ESYT2: variants seen among roughly 807,000 people sequenced by gnomAD.
ESYT2 encodes extended synaptotagmin-2.
In ESYT2, 54 loss-of-function variants were observed where a neutral mutation model predicts 107.2. The ratio of observed to expected loss-of-function variants is 0.50; its 90% CI spans 0.40 to 0.63. The LOEUF is 0.63. Ranked by LOEUF, ESYT2 falls within the 30% of genes least tolerant of loss-of-function variation. The pLI, the probability that ESYT2 is intolerant of heterozygous loss-of-function variation, is 0.00. For synonymous variants in ESYT2, 491 were observed against 434.1 expected, an observed-to-expected ratio of 1.13 and a Z score of -1.63; for missense variants, 1,020 against 1,094.5, an observed-to-expected ratio of 0.93 and a Z score of 0.96.
intron 1 of ESYT2, among the ~76,000 whole-genome samples, chr7:158,814,228 C>T (rs979898566): frequency 2.1e-4 from 31 of 149,258 alleles, no homozygotes; most frequent in Non-Finnish European, 4.4e-5. Flanking sequence ...GAGCCAAGAT[C>T]GCGCCACTGC....
chr7:158,794,784 A>G (rs1429997668), intron 3 of ESYT2, among the ~76,000 whole-genome samples: 2 of 152,138 alleles, frequency 1.3e-5, no homozygotes, highest in Admixed American at 1.3e-4. Context: ...CTCAAAAATG[A>G]AAGAAGCACT....
intron 1 of ESYT2, among the ~76,000 whole-genome samples, chr7:158,804,690 A>T (rs1374648983): frequency 1.3e-5 from 2 of 151,802 alleles, no homozygotes; most frequent in Non-Finnish European, 2.9e-5. Flanking sequence ...ACTGTTGACA[A>T]GGGTGAGGCG....
intron 6 of ESYT2, among the ~76,000 whole-genome samples, chr7:158,785,074 C>G (rs949543858): frequency 2.0e-5 from 3 of 152,188 alleles, no homozygotes; most frequent in Non-Finnish European, 4.4e-5. Context: ...AGGCAAACAC[C>G]AATTGGTTGA....
intron 6 of ESYT2, among the ~76,000 whole-genome samples, chr7:158,778,821 T>C (rs1838662425): frequency 6.6e-6 from 1 of 151,778 alleles, no homozygotes; most frequent in Admixed American, 6.6e-5. Flanking sequence ...AAAAACGACA[T>C]CACACCGTGT....
rs755459446 is a variant in ESYT2, at chr7:158,760,053, A to G, written c.1323+5T>C. ...AGTTTTCAAGAGCACATGCTTCAAC[A>G]GCACCTTGTCGAGGTTTGACGCATT... On this transcript the variant is annotated splice_donor_5th_base_variant and intron_variant, in intron 12 of 22. Coordinates refer to ENST00000275418, the MANE Select transcript of ESYT2 (RefSeq NM_001367773.1). The G allele has an allele frequency of 1.2e-6, 2 of 1,614,120 alleles. No homozygotes were observed. Among genetic ancestry groups the G allele is most frequent in the South Asian group, 1.1e-5 (1 of 91,082 alleles).
intron 13 of ESYT2, 29 bp downstream of exon 13, chr7:158,759,457 C>T: frequency 1.3e-6 from 2 of 1,561,380 alleles, no homozygotes; most frequent in Non-Finnish European, 8.8e-7. Flanking sequence ...GAAATACGCA[C>T]CCACAGGTGT....
chr7:158,814,444 G>A (rs919747782), intron 1 of ESYT2, among the ~76,000 whole-genome samples: 14 of 149,432 alleles, frequency 9.4e-5, no homozygotes, highest in Non-Finnish European at 3.0e-5. Context: ...GATCAAAAAC[G>A]TTTTAAAAAT....
chr7:158,804,701 C>T (rs566374271), intron 1 of ESYT2, among the ~76,000 whole-genome samples: 4 of 148,920 alleles, frequency 2.7e-5, no homozygotes, highest in African/African-American at 9.9e-5. Context: ...GGGTGAGGCG[C>T]GTGACAAACC....
At chr7:158,796,540 A>G (rs1259242977) in intron 3 of ESYT2, among the ~76,000 whole-genome samples, 1 of 152,258 alleles carries the variant, frequency 6.6e-6, no homozygotes, top group Non-Finnish European at 1.5e-5. Flanking sequence ...ACTCGCTCAC[A>G]GGAAAGACTA....
At chr7:158,818,507 T>C (rs1311019366) in intron 1 of ESYT2, among the ~76,000 whole-genome samples, 1 of 152,132 alleles carries the variant, frequency 6.6e-6, no homozygotes, top group Non-Finnish European at 1.5e-5. Flanking sequence ...CCAGGGCTCA[T>C]CTGTTCCATT....
chr7:158,813,574 C>T (rs956249492), intron 1 of ESYT2, among the ~76,000 whole-genome samples: 1 of 152,140 alleles, frequency 6.6e-6, no homozygotes, highest in Non-Finnish European at 1.5e-5. Context: ...CTAAGTGAAA[C>T]GGAAATAAAT....
At chr7:158,796,372 A>G (rs1472229149) in intron 3 of ESYT2, among the ~76,000 whole-genome samples, 1 of 152,234 alleles carries the variant, frequency 6.6e-6, no homozygotes, top group East Asian at 1.9e-4. Context: ...ATGTGACTCC[A>G]TTAACAAAAT....
chr7:158,759,915 C>T (rs934690887), intron 12 of ESYT2, 143 bp downstream of exon 12: 2 of 703,008 alleles, frequency 2.8e-6, no homozygotes, highest in Non-Finnish European at 4.9e-6. Flanking sequence ...ATCCCTGATG[C>T]TACTGTAGTG....
At chr7:158,738,327 ATACACACACACACACAG>A (rs1837046159) in intron 19 of ESYT2, among the ~76,000 whole-genome samples, 3 of 105,430 alleles carry the variant, frequency 2.8e-5, no homozygotes, top group Admixed American at 1.1e-4. Flanking sequence ...AAAAAAAAAA[ATACACACACACACACAG>A]ACACACACAC....
rs147732800 is a variant in ESYT2, at chr7:158,792,613, T to C, written c.584+1037A>G. ...ATAATGTCTTTCTTCCTTTCCAGCCTGGGTGCCCTTTATTTCTTTCTCTTG... is the reference window on the plus strand; with the variant it reads ...ATAATGTCTTTCTTCCTTTCCAGCCCGGGTGCCCTTTATTTCTTTCTCTTG... On this transcript the variant is annotated intron_variant, in intron 4 of 22. Coordinates refer to ENST00000275418, the MANE Select transcript of ESYT2 (RefSeq NM_001367773.1). Among the ~76,000 whole-genome samples the C allele has an allele frequency of 7.0e-3, 1,068 of 151,656 alleles. 4 individuals carry two copies. Among genetic ancestry groups the C allele is most frequent in the Middle Eastern group, 0.021 (6 of 292 alleles).
chr7:158,827,555 AAT>A (rs1840492569), intron 1 of ESYT2: 1 of 152,166 alleles, frequency 6.6e-6, no homozygotes, highest in Non-Finnish European at 1.5e-5. Context: ...TGGTTCTCCA[AAT>A]ATGACTCCCT....
intron 13 of ESYT2, among the ~76,000 whole-genome samples, chr7:158,759,090 C>T (rs988723013): frequency 2.6e-5 from 4 of 152,312 alleles, no homozygotes; most frequent in Admixed American, 6.5e-5. Flanking sequence ...CAGCAGCTCA[C>T]GCACGGCCCT....
At chr7:158,804,453 G>A (rs1160802443) in intron 1 of ESYT2, among the ~76,000 whole-genome samples, 1 of 147,170 alleles carries the variant, frequency 6.8e-6, no homozygotes, top group Admixed American at 6.8e-5. Context: ...GAAAGGTGAG[G>A]TGTGTGACAA....
chr7:158,738,377 ACT>A (rs1332399154), intron 19 of ESYT2, among the ~76,000 whole-genome samples: 8 of 127,016 alleles, frequency 6.3e-5, no homozygotes, highest in African/African-American at 2.3e-4. Context: ...ACACACACAC[ACT>A]CTTCCTGCTC....
Sources: gnomAD v4.1 joint callset for allele counts (sites outside exome capture counted in the v4.1 genomes callset) on GRCh38, gnomAD v4.1.1 for gene constraint, MANE v1.5 for transcripts, NCBI Gene and HGNC (gene_info 2026-07-23, HGNC 2026-07-21) for gene names.